STRN: variants seen among roughly 807,000 people sequenced by gnomAD.
STRN encodes the protein protein phosphatase 2 regulatory subunit B'''alpha.
In STRN, 53 loss-of-function variants were observed where a neutral mutation model predicts 96.3. The observed-to-expected ratio is 0.55, with a 90% CI of 0.44 to 0.69. STRN has a LOEUF of 0.69. Ranked by LOEUF, STRN falls within the 30% of genes least tolerant of loss-of-function variation. STRN has a pLI of 0.00. For synonymous variants in STRN, 428 were observed against 355.9 expected, an observed-to-expected ratio of 1.20 and a Z score of -2.28; for missense variants, 987 against 963.9, an observed-to-expected ratio of 1.02 and a Z score of -0.32.
rs1199093684 is a variant in STRN, at chr2:36,841,398, T to A, written c.*8058A>T. The A allele has an allele frequency of 6.6e-6, 1 of 152,060 alleles. No homozygotes were observed. The highest frequency in any genetic ancestry group is 1.5e-5 in the Non-Finnish European group (1 of 67,996). 9.4% of individuals were successfully genotyped at this position (152,060 alleles called of 1,614,324 possible). On this transcript the variant is annotated 3_prime_UTR_variant, in exon 18 of 18. Coordinates refer to ENST00000263918, the MANE Select transcript of STRN (RefSeq NM_003162.4). The stretch of plus-strand genomic sequence containing the variant: ...TAGCAGTTGAGTACTGGGAAGGTTG[T>A]TGGGGAGGGTATTATTCACAAACAA...
chr2:36,957,170 G>A (rs373101555), intron 1 of STRN, among the ~76,000 whole-genome samples: 2 of 152,166 alleles, frequency 1.3e-5, no homozygotes, highest in African/African-American at 4.8e-5. Context: ...CATTTAGCTA[G>A]ATCCCTAAAG....
In STRN at chr2:36,880,046, A is replaced by G. The variant is rs1433567158; in HGVS notation, c.1187-2019T>C. On this transcript the variant is annotated intron_variant, in intron 9 of 17. Coordinates refer to ENST00000263918, the MANE Select transcript of STRN (RefSeq NM_003162.4). ...CAGTGGTGTGATCTCAGCTCACTGC[A>G]ACGTACACCTCCCAGGTTCAAGCAA... Among the ~76,000 whole-genome samples, 3 of 151,914 alleles carry G rather than the reference A, an allele frequency of 2.0e-5. No homozygotes were observed. The East Asian group carries it at 5.8e-4, about 29-fold the overall frequency.
intron 12 of STRN, among the ~76,000 whole-genome samples, chr2:36,864,775 C>T (rs951373525): frequency 1.2e-4 from 19 of 152,148 alleles, no homozygotes; most frequent in African/African-American, 3.9e-4. Flanking sequence ...GCAATGGGTG[C>T]GATCTCAGCT....
chr2:36,920,268 T>C (rs1302972929), intron 2 of STRN, among the ~76,000 whole-genome samples: 1 of 152,216 alleles, frequency 6.6e-6, no homozygotes, highest in Non-Finnish European at 1.5e-5. Flanking sequence ...AATAAATGCT[T>C]TTTAAAAATG....
In STRN at chr2:36,841,776, G is replaced by A. The variant is rs541732270; in HGVS notation, c.*7680C>T. On this transcript the variant is annotated 3_prime_UTR_variant, in exon 18 of 18. Transcript: ENST00000263918. ...TCTGACACTTTGCCATGGGGCTCTAGGATACTTTTGATATATTTCCTAAAA... is the reference window on the plus strand; with the variant it reads ...TCTGACACTTTGCCATGGGGCTCTAAGATACTTTTGATATATTTCCTAAAA... 1 of 152,242 alleles carries A rather than the reference G, an allele frequency of 6.6e-6. No homozygotes were observed. The highest frequency in any genetic ancestry group is 1.9e-4 in the East Asian group (1 of 5,186). The allele number at this position is 152,242 out of a possible 1,614,324, so 9.4% of individuals were successfully genotyped here. A position where few individuals can be genotyped will look rare whatever the true frequency, so the allele number is the denominator to read the frequency against.
chr2:36,893,754 A>C, intron 7 of STRN, 144 bp downstream of exon 7: 1 of 924,778 alleles, frequency 1.1e-6, no homozygotes, highest in Non-Finnish European at 1.5e-6. Flanking sequence ...ACACACATTC[A>C]CCCTGGATAA....
chr2:36,867,012 T>C (rs970527817), intron 12 of STRN, among the ~76,000 whole-genome samples: 2 of 152,242 alleles, frequency 1.3e-5, no homozygotes, highest in African/African-American at 4.8e-5. Flanking sequence ...TTGGGGCATT[T>C]AGCCCTTTTA....
chr2:36,892,945 G>A (rs767274158), intron 7 of STRN, among the ~76,000 whole-genome samples: 6 of 152,024 alleles, frequency 3.9e-5, no homozygotes, highest in African/African-American at 9.7e-5. Flanking sequence ...GCTTGAACCC[G>A]GGAACTGGAA....
At chr2:36,921,691 A>G (rs969933192) in intron 2 of STRN, among the ~76,000 whole-genome samples, 6 of 127,434 alleles carry the variant, frequency 4.7e-5, no homozygotes, top group African/African-American at 2.0e-4. Flanking sequence ...ACTCTACTTA[A>G]AATTTTTTTT....
At chr2:36,892,401 G>A (rs1669424361) in intron 7 of STRN, among the ~76,000 whole-genome samples, 2 of 151,634 alleles carry the variant, frequency 1.3e-5, no homozygotes, top group Non-Finnish European at 2.9e-5. Flanking sequence ...ACCTGCAAAT[G>A]TACTCCCAAA....
chr2:36,948,299 C>T (rs1372143104), intron 1 of STRN, among the ~76,000 whole-genome samples: 2 of 151,656 alleles, frequency 1.3e-5, no homozygotes, highest in South Asian at 2.1e-4. Flanking sequence ...CGGGTTTCAC[C>T]ATGTTGGCCA....
At chr2:36,883,781 G>T in intron 9 of STRN, 151 bp downstream of exon 9, 1 of 736,246 alleles carries the variant, frequency 1.4e-6, no homozygotes, top group East Asian at 3.4e-5. Flanking sequence ...AAACTCCCTT[G>T]AATGTAAGAA....
At chr2:36,952,444 CGA>C (rs1397561105) in intron 1 of STRN, among the ~76,000 whole-genome samples, 11 of 127,170 alleles carry the variant, frequency 8.6e-5, no homozygotes, top group Non-Finnish European at 1.3e-4. Context: ...CCCTGAAGCA[CGA>C]GAGAAAAAAA....
Position 36,861,241 on chromosome 2 carries a change from A to G in STRN, c.1560T>C (p.Leu520=), listed in dbSNP as rs140246246. 3.3e-3 allele frequency: 5,398 copies of G among 1,613,864 alleles called. 16 individuals carry two copies. Among genetic ancestry groups the G allele is most frequent in the Non-Finnish European group, 4.1e-3 (4,884 of 1,179,886 alleles). ...CACCATTGCTGCTCATTACCACACA[A>G]AGCACTGGACCTCTGGGAGATTAAA... ...YTFRAHKGPV[L]CVVMSSNGEQ... Residue 520 remains leucine (L), a synonymous_variant, in exon 13 of 18, where the codon CTT becomes CTC. Transcript: ENST00000263918.
chr2:36,883,323 G>A (rs189182986), intron 9 of STRN, among the ~76,000 whole-genome samples: 169 of 152,240 alleles, frequency 1.1e-3, no homozygotes, highest in African/African-American at 3.9e-3. Context: ...TAGGCTTGGC[G>A]GCAGGTGCCT....
intron 1 of STRN, 130 bp from the exon 2 acceptor site, chr2:36,925,338 T>C: frequency 1.6e-6 from 1 of 639,080 alleles, no homozygotes; most frequent in Non-Finnish European, 2.8e-6. Flanking sequence ...TCTCACAAAG[T>C]ATGTACAAAT....
chr2:36,946,948 T>G (rs1474807406), intron 1 of STRN, among the ~76,000 whole-genome samples: 3 of 151,936 alleles, frequency 2.0e-5, no homozygotes, highest in African/African-American at 7.3e-5. Context: ...TAGGCTGGAG[T>G]GCAGTGGTGA....
At chr2:36,886,902 C>G (rs556350139) in intron 7 of STRN, 76 bp from the exon 8 acceptor site, 10 of 1,117,574 alleles carry the variant, frequency 8.9e-6, no homozygotes, top group African/African-American at 4.8e-5. Context: ...GTCTGAATGA[C>G]GTAACAACCA....
chr2:36,849,370 G>T lies in STRN; in HGVS notation c.*86C>A. On this transcript the variant is annotated 3_prime_UTR_variant, in exon 18 of 18. Transcript: ENST00000263918. ...CTTCAGCAGAACAAAAGGGCAGGAC[G>T]AGATGATTCTTGCCCTCGTCTTCTG... 1 of 1,462,152 alleles carries T rather than the reference G, an allele frequency of 6.8e-7. No homozygotes were observed. The highest frequency in any genetic ancestry group is 9.4e-7 in the Non-Finnish European group (1 of 1,068,772). The allele number at this position is 1,462,152 out of a possible 1,614,324, so 90.6% of individuals were successfully genotyped here. A position where few individuals can be genotyped will look rare whatever the true frequency, so the allele number is the denominator to read the frequency against.
Sources: gnomAD v4.1 joint callset for allele counts (sites outside exome capture counted in the v4.1 genomes callset) on GRCh38, gnomAD v4.1.1 for gene constraint, MANE v1.5 for transcripts, NCBI Gene and HGNC (gene_info 2026-07-23, HGNC 2026-07-21) for gene names.